Variants in ACMSD observed in about 807,000 individuals in gnomAD.
ACMSD encodes the protein aminocarboxymuconate semialdehyde decarboxylase, also known as 2-amino-3-carboxymuconate-6-semialdehyde decarboxylase.
Under a neutral mutation model 45.9 loss-of-function variants are expected in ACMSD, and 37 were observed. The observed-to-expected ratio is 0.81, with a 90% CI of 0.62 to 1.06. ACMSD has a LOEUF of 1.06. Ranked by LOEUF, ACMSD falls within the 50% of genes least tolerant of loss-of-function variation. The pLI is 0.00. For missense variants in ACMSD, 434 were observed against 420.9 expected, an observed-to-expected ratio of 1.03 and a Z score of -0.27; for synonymous variants, 138 against 148.8, an observed-to-expected ratio of 0.93 and a Z score of 0.53.
intron 1 of ACMSD, among the ~76,000 whole-genome samples, chr2:134,841,657 C>G (rs899518090): frequency 5.3e-5 from 8 of 152,158 alleles, no homozygotes; most frequent in Non-Finnish European, 1.0e-4. Flanking sequence ...TCAGGTTGAT[C>G]TGCAATGGAT....
chr2:134,881,269 G>A (rs1240297774), intron 8 of ACMSD, among the ~76,000 whole-genome samples: 4 of 152,210 alleles, frequency 2.6e-5, no homozygotes, highest in Admixed American at 1.3e-4. Flanking sequence ...CCAAAGTTCC[G>A]GGATTACAGG....
At chr2:134,838,842 T>TG (rs1010639158) in intron 1 of ACMSD, 103 bp downstream of exon 1, 13 of 865,150 alleles carry the variant, frequency 1.5e-5, no homozygotes, top group African/African-American at 8.5e-5. Context: ...TCTGCTTTGG[T>TG]GGGGGGCGAG....
At chr2:134,876,709 T>G (rs1279926314) in intron 8 of ACMSD, among the ~76,000 whole-genome samples, 1 of 152,184 alleles carries the variant, frequency 6.6e-6, no homozygotes, top group Admixed American at 6.5e-5. Context: ...AAGGATAACA[T>G]AGTAAATACA....
chr2:134,895,326 T>C (rs1261920653), intron 8 of ACMSD, among the ~76,000 whole-genome samples: 1 of 44,032 alleles, frequency 2.3e-5, no homozygotes, highest in Non-Finnish European at 4.1e-5. Flanking sequence ...AATATATATA[T>C]GTTATATATA....
intron 2 of ACMSD, 116 bp from the exon 3 acceptor site, chr2:134,859,145 G>A (rs1687729716): frequency 3.6e-6 from 3 of 831,624 alleles, no homozygotes; most frequent in South Asian, 3.7e-5. Context: ...CTTCCACAAG[G>A]ATTAAGTAAA....
intron 2 of ACMSD, among the ~76,000 whole-genome samples, chr2:134,845,838 G>A (rs538112063): frequency 6.6e-6 from 1 of 152,282 alleles, no homozygotes; most frequent in Non-Finnish European, 1.5e-5. Context: ...GTCTAGATCT[G>A]CCCAGGGCAT....
At chr2:134,852,989 C>A (rs1346340542) in intron 2 of ACMSD, among the ~76,000 whole-genome samples, 1 of 151,696 alleles carries the variant, frequency 6.6e-6, no homozygotes, top group East Asian at 1.9e-4. Flanking sequence ...ATGGTGAAAC[C>A]CCGTCTCTAC....
At chr2:134,847,599 T>C (rs1302485058) in intron 2 of ACMSD, among the ~76,000 whole-genome samples, 1 of 152,180 alleles carries the variant, frequency 6.6e-6, no homozygotes, top group African/African-American at 2.4e-5. Context: ...CCTAATGCTA[T>C]CCGTCCCCTA....
At chr2:134,893,535 T>C (rs1386316101) in intron 8 of ACMSD, among the ~76,000 whole-genome samples, 1 of 152,148 alleles carries the variant, frequency 6.6e-6, no homozygotes, top group Non-Finnish European at 1.5e-5. Flanking sequence ...TCCACCTCCC[T>C]GTCTCTCTCT....
At chr2:134,888,281 C>G (rs1689571676) in intron 8 of ACMSD, among the ~76,000 whole-genome samples, 2 of 152,138 alleles carry the variant, frequency 1.3e-5, no homozygotes, top group Non-Finnish European at 2.9e-5. Flanking sequence ...TGCTCAACAT[C>G]ATTAGTTCAT....
chr2:134,839,878 G>A (rs1686704023), intron 1 of ACMSD, among the ~76,000 whole-genome samples: 2 of 152,072 alleles, frequency 1.3e-5, no homozygotes, highest in Admixed American at 1.3e-4. Flanking sequence ...TTACTGAAGT[G>A]TAAACCACTT....
chr2:134,877,745 C>T (rs1688824955), intron 8 of ACMSD: 1 of 152,026 alleles, frequency 6.6e-6, no homozygotes, highest in South Asian at 2.1e-4. Context: ...GAACACACAC[C>T]AGAGAGAAGC....
At chr2:134,854,999 A>AT (rs1477920798) in intron 2 of ACMSD, among the ~76,000 whole-genome samples, 1 of 151,922 alleles carries the variant, frequency 6.6e-6, no homozygotes, top group African/African-American at 2.4e-5. Context: ...GCAAAAATAA[A>AT]TAAATCCTCC....
intron 8 of ACMSD, among the ~76,000 whole-genome samples, chr2:134,896,087 G>A (rs2104963874): frequency 6.6e-6 from 1 of 152,198 alleles, no homozygotes; most frequent in East Asian, 1.9e-4. Flanking sequence ...TGAGATAAGA[G>A]TAGATATCCA....
intron 1 of ACMSD, among the ~76,000 whole-genome samples, chr2:134,840,658 C>T (rs2104803596): frequency 6.6e-6 from 1 of 152,286 alleles, no homozygotes; most frequent in African/African-American, 2.4e-5. Context: ...CTTGGACTTC[C>T]CAGCTTCCAA....
At chr2:134,878,232 C>T (rs199935075) in intron 8 of ACMSD, among the ~76,000 whole-genome samples, 1 of 152,234 alleles carries the variant, frequency 6.6e-6, no homozygotes, top group Non-Finnish European at 1.5e-5. Context: ...GAGGAGGTCA[C>T]TAGCCACTAG....
At position 134,838,695 on chromosome 2, in the gene ACMSD, A is replaced by G; in HGVS notation, c.13A>G (p.Ile5Val). The change falls in exon 1 of 10, where the codon ATC becomes GTC. Residue 5 changes from isoleucine to valine, a missense_variant. Coordinates refer to ENST00000356140, the MANE Select transcript of ACMSD (RefSeq NM_138326.3). MKIDIHSHILPKEWP... is the reference protein window; with the variant it reads MKIDVHSHILPKEWP... ...TGATCCTGTGGAGATGAAAATTGAC[A>G]TCCATAGTCATATTCTACCAAAAGA... 6.2e-7 allele frequency: 1 copy of G among 1,612,194 alleles called. No homozygotes were observed. Among genetic ancestry groups the G allele is most frequent in the Non-Finnish European group, 8.5e-7 (1 of 1,178,788 alleles).
At chr2:134,853,647 AC>A (rs1437697917) in intron 2 of ACMSD, among the ~76,000 whole-genome samples, 3 of 151,426 alleles carry the variant, frequency 2.0e-5, no homozygotes, top group Admixed American at 1.3e-4. Context: ...ATGTAAAGCG[AC>A]AGAGATCAGG....
At chr2:134,882,442 C>T (rs781044224) in intron 8 of ACMSD, among the ~76,000 whole-genome samples, 6 of 152,068 alleles carry the variant, frequency 3.9e-5, no homozygotes, top group Non-Finnish European at 7.4e-5. Context: ...GTTGGTGTGA[C>T]GAGTTAACAT....
Sources: allele counts gnomAD v4.1 joint callset (sites outside exome capture counted in the v4.1 genomes callset), GRCh38; gene constraint gnomAD v4.1.1; transcripts MANE v1.5; gene names NCBI Gene and HGNC (gene_info 2026-07-23, HGNC 2026-07-21).